LRRC75A: variants seen among roughly 807,000 people sequenced by gnomAD.
LRRC75A encodes leucine-rich repeat-containing protein 75A.
In LRRC75A, 12 loss-of-function variants were observed where a neutral mutation model predicts 26.0. The observed-to-expected ratio is 0.46, with a 90% CI of 0.30 to 0.75. The LOEUF (loss-of-function observed/expected upper bound fraction) is 0.75. Ranked by LOEUF, LRRC75A falls within the 30% of genes least tolerant of loss-of-function variation. The pLI, the probability that LRRC75A is intolerant of heterozygous loss-of-function variation, is 0.08. For synonymous variants in LRRC75A, 223 were observed against 219.3 expected, an observed-to-expected ratio of 1.02 and a Z score of -0.15; for missense variants, 410 against 486.6, an observed-to-expected ratio of 0.84 and a Z score of 1.48.
intron 1 of LRRC75A, among the ~76,000 whole-genome samples, chr17:16,485,715 G>A (rs926564911): frequency 7.1e-6 from 1 of 141,140 alleles, no homozygotes; most frequent in African/African-American, 2.7e-5. Flanking sequence ...CGCATGCGTG[G>A]TTTTCTTGCA....
Position 16,443,367 on chromosome 17 carries a change from A to G in LRRC75A, c.*221T>C, listed in dbSNP as rs2093550620. ...GGGGCCTGGGATGACTTAAGAACCA[A>G]ATGGCAGATAATGGGATAGGGGGCA... is the stretch of plus-strand genomic sequence containing the variant. On this transcript the variant is annotated 3_prime_UTR_variant, in exon 4 of 4. Coordinates refer to ENST00000470794, the MANE Select transcript of LRRC75A (RefSeq NM_001113567.3). 1 of 519,038 alleles carries G rather than the reference A, an allele frequency of 1.9e-6. No individual in the cohort carries two copies. Among genetic ancestry groups the G allele is most frequent in the South Asian group, 3.4e-5 (1 of 29,656 alleles). The allele number at this position is 519,038 out of a possible 1,614,324, so 32.2% of individuals were successfully genotyped here.
intron 2 of LRRC75A, among the ~76,000 whole-genome samples, chr17:16,450,704 C>G (rs1159584943): frequency 6.6e-6 from 1 of 152,164 alleles, no homozygotes; most frequent in Non-Finnish European, 1.5e-5. Flanking sequence ...GCAGGAGGAG[C>G]TGGTCATGGG....
Position 16,485,414 on chromosome 17 carries a change from CCA to C in LRRC75A, c.246+6329_246+6330del, listed in dbSNP as rs756301597. On this transcript the variant is annotated intron_variant, in intron 1 of 3. Transcript: ENST00000470794. ...ACCCCAGAGAGACCCTTCATTCCTT[CCA>C]CCATGCCAGAATGCAGCGAGAGGGT... is the stretch of plus-strand genomic sequence containing the variant. Among the ~76,000 whole-genome samples the C allele has an allele frequency of 3.3e-4, 51 of 152,274 alleles. No individual in the cohort carries two copies. In the Middle Eastern group the frequency reaches 0.01, roughly 30 times the overall value.
chr17:16,447,988 C>T (rs2093600562), intron 2 of LRRC75A, 28 bp from the exon 3 acceptor site: 1 of 1,535,224 alleles, frequency 6.5e-7, no homozygotes, highest in Non-Finnish European at 8.8e-7. Context: ...GGTGGTAGGG[C>T]CCTGAGTGGC....
chr17:16,443,974 C>A lies in LRRC75A; in HGVS notation c.649G>T (p.Asp217Tyr). The change falls in exon 4 of 4, where the codon GAC becomes TAC. Residue 217 changes from aspartate to tyrosine, a missense_variant. Transcript: ENST00000470794. Reference sequence around the variant, plus strand: ...GCTGGCAGCAGCTGCAGGACCATGTCGTCCGTGAGGCCTGTGAAGCCCAGC... The same window carrying A: ...GCTGGCAGCAGCTGCAGGACCATGTAGTCCGTGAGGCCTGTGAAGCCCAGC... ...VELGFTGLTD[D>Y]MVLQLLPALS... 1 of 1,613,616 alleles carries A rather than the reference C, an allele frequency of 6.2e-7. No individual in the cohort carries two copies. Among genetic ancestry groups the A allele is most frequent in the South Asian group, 1.1e-5 (1 of 91,074 alleles).
At position 16,491,082 on chromosome 17, in the gene LRRC75A, A is replaced by C. The variant is rs1306991153; in HGVS notation, c.246+663T>G. Among the ~76,000 whole-genome samples, 1 of 152,236 alleles carries C rather than the reference A, an allele frequency of 6.6e-6. No individual in the cohort carries two copies. The highest frequency in any genetic ancestry group is 1.5e-5 in the Non-Finnish European group (1 of 68,036). On this transcript the variant is annotated intron_variant, in intron 1 of 3. Transcript: ENST00000470794. This position sits in a 1 kb window ranked among gnomAD's most constrained non-coding sequence, Gnocchi z 5.9. ...CACAGGCTAAGGACAGAGTCCTGGC[A>C]GTCTCCTGAAGTTGCTGCTGGCCAG...
At position 16,485,671 on chromosome 17, in the gene LRRC75A, CGT is replaced by C. The variant is rs139508916; in HGVS notation, c.246+6072_246+6073del. On this transcript the variant is annotated intron_variant, in intron 1 of 3. Transcript: ENST00000470794. ...GTGTGTGTGTGTGTGTGTGTGTGTT[CGT>C]GTGTGTGTGTGTGTGTGTGTATGCG... Among the ~76,000 whole-genome samples, 415 of 124,170 alleles carry C rather than the reference CGT, an allele frequency of 3.3e-3. 2 individuals carry two copies. Among genetic ancestry groups the C allele is most frequent in the African/African-American group, 9.6e-3 (314 of 32,806 alleles). The allele number at this position is 124,170 out of a possible 152,430, so 81.5% of individuals were successfully genotyped here. A position where few individuals can be genotyped will look rare whatever the true frequency, so the allele number is the denominator to read the frequency against.
chr17:16,486,908 G>A (rs912686549), intron 1 of LRRC75A, among the ~76,000 whole-genome samples: 1 of 152,220 alleles, frequency 6.6e-6, no homozygotes, highest in Non-Finnish European at 1.5e-5. Flanking sequence ...ACACACTGAC[G>A]ACAGCAGCAG....
intron 1 of LRRC75A, among the ~76,000 whole-genome samples, chr17:16,471,297 C>A (rs998380736): frequency 6.6e-6 from 1 of 152,156 alleles, no homozygotes. Flanking sequence ...ACGGCCCTGC[C>A]GACACTCTCA....
chr17:16,471,618 C>G (rs142104324), intron 1 of LRRC75A, among the ~76,000 whole-genome samples: 59 of 152,334 alleles, frequency 3.9e-4, no homozygotes, highest in African/African-American at 1.2e-3. Flanking sequence ...GTACACTCTC[C>G]TTTGCTGTCT....
chr17:16,454,156 C>T (rs187878905), intron 2 of LRRC75A, among the ~76,000 whole-genome samples: 5 of 149,010 alleles, frequency 3.4e-5, no homozygotes, highest in South Asian at 4.3e-4. Context: ...TTTGGGAGGC[C>T]GAGGTGGGTG....
intron 2 of LRRC75A, among the ~76,000 whole-genome samples, chr17:16,454,785 T>C (rs1452346863): frequency 6.6e-6 from 1 of 152,044 alleles, no homozygotes; most frequent in East Asian, 1.9e-4. Context: ...GTTTGGGGTC[T>C]TCATTTCTTT....
chr17:16,480,472 T>C (rs1294349200), intron 1 of LRRC75A, among the ~76,000 whole-genome samples: 1 of 151,698 alleles, frequency 6.6e-6, no homozygotes, highest in Non-Finnish European at 1.5e-5. Context: ...TCTACTAAAA[T>C]ACAAAAATTA....
At chr17:16,485,576 A>G (rs2143438450) in intron 1 of LRRC75A, among the ~76,000 whole-genome samples, 1 of 152,030 alleles carries the variant, frequency 6.6e-6, no homozygotes, top group South Asian at 2.1e-4. Context: ...TTGTTATAGC[A>G]GCCGGAAAGG....
intron 2 of LRRC75A, among the ~76,000 whole-genome samples, chr17:16,451,928 G>A (rs931423348): frequency 1.1e-5 from 1 of 92,562 alleles, no homozygotes; most frequent in African/African-American, 3.7e-5. Flanking sequence ...TGCATTTTTA[G>A]TAGAGACGGG....
chr17:16,448,097 G>A (rs772568108), intron 2 of LRRC75A, 137 bp from the exon 3 acceptor site: 5 of 748,310 alleles, frequency 6.7e-6, no homozygotes, highest in South Asian at 5.9e-5. Flanking sequence ...CTGGCCTAGG[G>A]TGGGCACCCT....
In LRRC75A at chr17:16,475,954, A is replaced by T. The variant is rs185753354; in HGVS notation, c.247-13568T>A. ...ATGCCTGTAATCCCAGCACTTTGGG[A>T]GACCGAGGTGGGTGGATCATGAGGT... On this transcript the variant is annotated intron_variant, in intron 1 of 3. Transcript: ENST00000470794. Among the ~76,000 whole-genome samples, 651 of 152,196 alleles carry T rather than the reference A, an allele frequency of 4.3e-3. 2 individuals are homozygous for T. Among genetic ancestry groups the T allele is most frequent in the Non-Finnish European group, 7.4e-3 (502 of 68,010 alleles).
At chr17:16,473,557 C>T (rs776251770) in intron 1 of LRRC75A, among the ~76,000 whole-genome samples, 9 of 152,158 alleles carry the variant, frequency 5.9e-5, no homozygotes, top group Non-Finnish European at 1.3e-4. Context: ...CCCAGCTGAC[C>T]GAAGTCAGCC....
rs2143006357 is a variant in LRRC75A, at chr17:16,441,578, T to G, written c.*2010A>C. 2.1e-5 allele frequency: 5 copies of G among 234,950 alleles called. No individual in the cohort carries two copies. The highest frequency in any genetic ancestry group is 4.2e-5 in the South Asian group (1 of 24,046). The allele number at this position is 234,950 out of a possible 1,614,324, so 14.6% of individuals were successfully genotyped here. On this transcript the variant is annotated 3_prime_UTR_variant, in exon 4 of 4. Coordinates refer to ENST00000470794, the MANE Select transcript of LRRC75A (RefSeq NM_001113567.3). Reference sequence around the variant, plus strand: ...ATTACATTCTTGAGTTTTTTTGGGTTTTTTTTTTTTTTTTTGAGACAGTCT... The same window carrying G: ...ATTACATTCTTGAGTTTTTTTGGGTGTTTTTTTTTTTTTTTGAGACAGTCT...
Sources: allele counts gnomAD v4.1 joint callset (sites outside exome capture counted in the v4.1 genomes callset), GRCh38; gene constraint gnomAD v4.1.1; non-coding constraint Gnocchi (gnomAD v3.1); transcripts MANE v1.5; gene names NCBI Gene and HGNC (gene_info 2026-07-23, HGNC 2026-07-21).